The following SORCS2 variants were observed in gnomAD, a reference collection of about 807,000 sequenced individuals.
The protein encoded by SORCS2 is sortilin related VPS10 domain containing receptor 2, also known as VPS10 domain-containing receptor SorCS2.
Under a neutral mutation model 141.6 loss-of-function variants are expected in SORCS2, and 100 were observed. The ratio of observed to expected loss-of-function variants is 0.71; its 90% CI spans 0.60 to 0.83. SORCS2 has a LOEUF of 0.83. Ranked by LOEUF, SORCS2 falls within the 40% of genes least tolerant of loss-of-function variation. SORCS2 has a pLI of 0.00. For missense variants in SORCS2, 1,646 were observed against 1,560.2 expected (o/e 1.05, Z -0.93); for synonymous variants, 789 against 676.9 (o/e 1.17, Z -2.57).
intron 3 of SORCS2, among the ~76,000 whole-genome samples, chr4:7,607,141 C>T (rs1718110503): frequency 6.6e-6 from 1 of 152,196 alleles, no homozygotes; most frequent in Non-Finnish European, 1.5e-5. Context: ...ACTTCATGGT[C>T]TGGCCACAAG....
chr4:7,712,733 G>A lies in SORCS2; in HGVS notation c.1869G>A (p.Thr623=). The change falls in exon 15 of 27, where the codon ACG becomes ACA. Residue 623 remains threonine (T), a splice_region_variant and synonymous_variant. Transcript: ENST00000507866. ...CCCTTCCCTCCTCTTCCCACCCCAG[G>A]GTCTTTGGCCACATCAGCTTCCGCT... ...SEPGDETLVM[T]VFGHISFRSD... The A allele has an allele frequency of 6.2e-7, 1 of 1,613,964 alleles. No individual in the cohort carries two copies. The highest frequency in any genetic ancestry group is 8.5e-7 in the Non-Finnish European group (1 of 1,179,868).
chr4:7,663,825 C>G lies in SORCS2; in HGVS notation c.953-528C>G, dbSNP rs998295317. Among the ~76,000 whole-genome samples the G allele has an allele frequency of 6.6e-6, 1 of 152,148 alleles. No homozygotes were observed. Among genetic ancestry groups the G allele is most frequent in the Non-Finnish European group, 1.5e-5 (1 of 68,028 alleles). On this transcript the variant is annotated intron_variant, in intron 6 of 26. Coordinates refer to ENST00000507866, the MANE Select transcript of SORCS2 (RefSeq NM_020777.3). This position sits in a 1 kb window ranked among gnomAD's most constrained non-coding sequence, Gnocchi z 4.8. ...AGCTGGAACGCAGAGCTTCCTGAGG[C>G]CTCCAGGATCTAGCCCCTCCACATA...
chr4:7,465,384 A>G (rs1169553127), intron 2 of SORCS2, among the ~76,000 whole-genome samples: 1 of 152,134 alleles, frequency 6.6e-6, no homozygotes, highest in Admixed American at 6.5e-5. Context: ...TTCGGGCTTT[A>G]TCCAAGCTGC....
chr4:7,453,848 G>A (rs1728668943), intron 2 of SORCS2, among the ~76,000 whole-genome samples: 2 of 128,334 alleles, frequency 1.6e-5, no homozygotes, highest in African/African-American at 6.2e-5. Context: ...GTTGGGGTCA[G>A]GAGCTGTGTG....
intron 3 of SORCS2, among the ~76,000 whole-genome samples, chr4:7,539,300 T>C (rs553557000): frequency 1.5e-3 from 229 of 152,278 alleles, no homozygotes; most frequent in Non-Finnish European, 2.7e-3. Flanking sequence ...CTGGACCTCA[T>C]AGTCCTCACC....
At chr4:7,707,968 C>T (rs982268735) in intron 14 of SORCS2, among the ~76,000 whole-genome samples, 1 of 152,168 alleles carries the variant, frequency 6.6e-6, no homozygotes. Flanking sequence ...GGCTGGTGTC[C>T]CTGGACAGTG....
chr4:7,378,422 C>A (rs896954526), intron 1 of SORCS2, among the ~76,000 whole-genome samples: 2 of 152,042 alleles, frequency 1.3e-5, no homozygotes, highest in African/African-American at 4.8e-5. Context: ...CCTCAGGAAA[C>A]TTATAATCAT....
chr4:7,279,644 C>T (rs1186444783), intron 1 of SORCS2, among the ~76,000 whole-genome samples: 1 of 152,318 alleles, frequency 6.6e-6, no homozygotes, highest in Non-Finnish European at 1.5e-5. Flanking sequence ...TTAGGTTTGC[C>T]TCTGTAAAGC....
At chr4:7,310,725 G>A (rs1017223688) in intron 1 of SORCS2, among the ~76,000 whole-genome samples, 1 of 152,210 alleles carries the variant, frequency 6.6e-6, no homozygotes, top group South Asian at 2.1e-4. Flanking sequence ...TTCTGACCTT[G>A]GATTTGAGTT....
At chr4:7,423,469 T>G (rs575015186) in intron 2 of SORCS2, among the ~76,000 whole-genome samples, 2 of 152,080 alleles carry the variant, frequency 1.3e-5, no homozygotes, top group East Asian at 3.9e-4. Context: ...CAGGCTGGAG[T>G]GCAGTGATGC....
intron 2 of SORCS2, among the ~76,000 whole-genome samples, chr4:7,460,479 G>A (rs557189273): frequency 9.2e-5 from 14 of 152,160 alleles, no homozygotes; most frequent in African/African-American, 2.4e-4. Context: ...GAATTCCAAC[G>A]TACCCCCACA....
intron 2 of SORCS2, among the ~76,000 whole-genome samples, chr4:7,527,816 A>G (rs7657901): frequency 0.25 from 38,385 of 151,984 alleles, 5,617 homozygotes; most frequent in Middle Eastern, 0.36. Flanking sequence ...GAGCAGGGAG[A>G]TGTAGGGGTG....
intron 1 of SORCS2, among the ~76,000 whole-genome samples, chr4:7,329,561 C>A (rs1012161494): frequency 2.0e-5 from 3 of 152,202 alleles, no homozygotes; most frequent in African/African-American, 7.2e-5. Context: ...TGGCAGGTTT[C>A]TTTGGTGAAG....
intron 3 of SORCS2, among the ~76,000 whole-genome samples, chr4:7,638,044 C>T (rs757653215): frequency 6.6e-6 from 1 of 152,168 alleles, no homozygotes; most frequent in African/African-American, 2.4e-5. Context: ...CATTTCTGGA[C>T]ATCTCCTCAC....
At chr4:7,408,837 C>T (rs938270455) in intron 2 of SORCS2, among the ~76,000 whole-genome samples, 1 of 151,970 alleles carries the variant, frequency 6.6e-6, no homozygotes. Context: ...TTTCAAATAG[C>T]CTGTCTTTAA....
chr4:7,359,750 TA>T (rs1169481898), intron 1 of SORCS2, among the ~76,000 whole-genome samples: 1 of 152,214 alleles, frequency 6.6e-6, no homozygotes, highest in African/African-American at 2.4e-5. Context: ...TAGCTGGGAT[TA>T]AAATCAGGTC....
chr4:7,352,660 T>C (rs896972503), intron 1 of SORCS2, among the ~76,000 whole-genome samples: 8 of 152,328 alleles, frequency 5.3e-5, no homozygotes, highest in African/African-American at 1.9e-4. Context: ...CATGCTCACT[T>C]AGTGAGCTCA....
intron 1 of SORCS2, among the ~76,000 whole-genome samples, chr4:7,350,043 G>A (rs1211244041): frequency 6.6e-6 from 1 of 152,200 alleles, no homozygotes; most frequent in African/African-American, 2.4e-5. Flanking sequence ...CAAAAAAATA[G>A]CCATGAACGA....
intron 3 of SORCS2, among the ~76,000 whole-genome samples, chr4:7,583,729 T>G (rs561801036): frequency 6.6e-6 from 1 of 152,366 alleles, no homozygotes; most frequent in South Asian, 2.1e-4. Context: ...CCCAGCCACA[T>G]GGAACTGTGA....
Sources: allele counts gnomAD v4.1 joint callset (sites outside exome capture counted in the v4.1 genomes callset), GRCh38; gene constraint gnomAD v4.1.1; non-coding constraint Gnocchi (gnomAD v3.1); transcripts MANE v1.5; gene names NCBI Gene and HGNC (gene_info 2026-07-23, HGNC 2026-07-21).